Variants in SLC30A5 observed in about 807,000 individuals in gnomAD.
SLC30A5 encodes the protein proton-coupled zinc antiporter SLC30A5.
In SLC30A5, 33 loss-of-function variants were observed where a neutral mutation model predicts 79.6. The ratio of observed to expected loss-of-function variants is 0.41; its 90% CI spans 0.31 to 0.55. SLC30A5 has a LOEUF of 0.55. Among genes scored for constraint, SLC30A5 ranks in the 20% least tolerant of loss-of-function variants. SLC30A5 has a pLI of 0.20. For synonymous variants in SLC30A5, 299 were observed against 319.7 expected, an observed-to-expected ratio of 0.94 and a Z score of 0.69; for missense variants, 788 against 928.1, an observed-to-expected ratio of 0.85 and a Z score of 1.96.
At chr5:69,112,091 A>T (rs1746249344) in intron 5 of SLC30A5, among the ~76,000 whole-genome samples, 1 of 152,122 alleles carries the variant, frequency 6.6e-6, no homozygotes, top group South Asian at 2.1e-4. Flanking sequence ...CGAGGTCAAG[A>T]GATCAAGACC....
intron 1 of SLC30A5, among the ~76,000 whole-genome samples, chr5:69,100,468 A>C (rs1261050571): frequency 6.6e-6 from 1 of 152,064 alleles, no homozygotes; most frequent in Non-Finnish European, 1.5e-5. Context: ...AAGCTACTGC[A>C]CCTGGCCTCA....
chr5:69,104,255 A>G, intron 3 of SLC30A5: 2 of 562,922 alleles, frequency 3.6e-6, no homozygotes, highest in Non-Finnish European at 5.4e-6. Context: ...CTCCTGCCTC[A>G]GCCTCCTGAG....
In SLC30A5 at chr5:69,111,046, T is replaced by G. The variant is rs190915475; in HGVS notation, c.448-2094T>G. ...TCTCACTGGGTTGCCCAGGCTGGAG[T>G]GCAGTGGCACCATCTTGGCTCACTG... On this transcript the variant is annotated intron_variant, in intron 5 of 15. Transcript: ENST00000396591. Among the ~76,000 whole-genome samples, 451 of 150,736 alleles carry G rather than the reference T, an allele frequency of 3.0e-3. 4 individuals carry two copies. The highest frequency in any genetic ancestry group is 0.011 in the African/African-American group (436 of 41,086).
intron 2 of SLC30A5, 134 bp from the exon 3 acceptor site, chr5:69,102,928 C>A (rs1745974018): frequency 1.3e-5 from 5 of 394,118 alleles, no homozygotes; most frequent in Non-Finnish European, 1.9e-5. Context: ...ATAATTAATT[C>A]TCCAGTATGA....
At chr5:69,128,250 C>CT (rs71612509) in intron 15 of SLC30A5, 118 bp downstream of exon 15, 83,414 of 285,274 alleles carry the variant, frequency 0.29, 10,280 homozygotes, top group East Asian at 0.38. Context: ...TCTTCCAACT[C>CT]TTTTTTTTTT....
chr5:69,104,266 T>G (rs1746019265), intron 3 of SLC30A5: 1 of 530,572 alleles, frequency 1.9e-6, no homozygotes, highest in African/African-American at 2.0e-5. Context: ...GCCTCCTGAG[T>G]AGCTGGAATT....
intron 14 of SLC30A5, among the ~76,000 whole-genome samples, chr5:69,127,722 C>T (rs1021472005): frequency 6.6e-6 from 1 of 152,156 alleles, no homozygotes; most frequent in Non-Finnish European, 1.5e-5. Flanking sequence ...TAGCATCATT[C>T]CTAGGTGAGA....
chr5:69,097,109 C>A (rs200306568), intron 1 of SLC30A5, among the ~76,000 whole-genome samples: 1 of 87,904 alleles, frequency 1.1e-5, no homozygotes, highest in Non-Finnish European at 2.1e-5. Context: ...CTCTCTTTTT[C>A]TTTTTTTTTT....
chr5:69,124,062 G>A (rs1479688838), intron 14 of SLC30A5, among the ~76,000 whole-genome samples: 3 of 135,968 alleles, frequency 2.2e-5, no homozygotes, highest in South Asian at 2.2e-4. Context: ...GCAGTGAGCC[G>A]AGACCACGCC....
At chr5:69,124,769 C>T (rs1190966804) in intron 14 of SLC30A5, among the ~76,000 whole-genome samples, 3 of 152,088 alleles carry the variant, frequency 2.0e-5, no homozygotes, top group Non-Finnish European at 4.4e-5. Context: ...GGGGTTTCGC[C>T]ATGTTGGCCA....
chr5:69,111,550 C>A (rs1216036757), intron 5 of SLC30A5, among the ~76,000 whole-genome samples: 1 of 151,996 alleles, frequency 6.6e-6, no homozygotes, highest in Non-Finnish European at 1.5e-5. Context: ...ATGATCCACC[C>A]GCCTCGGCCT....
At chr5:69,115,517 G>T in intron 8 of SLC30A5, 110 bp downstream of exon 8, 1 of 903,050 alleles carries the variant, frequency 1.1e-6, no homozygotes, top group Non-Finnish European at 1.6e-6. Context: ...GAGGTTGAAA[G>T]TGGCTTAAAT....
At chr5:69,113,062 T>A (rs1427221427) in intron 5 of SLC30A5, 78 bp from the exon 6 acceptor site, 8 of 1,139,892 alleles carry the variant, frequency 7.0e-6, no homozygotes, top group Non-Finnish European at 7.6e-6. Context: ...AATGTTTTTC[T>A]TTAGTATTTA....
intron 1 of SLC30A5, among the ~76,000 whole-genome samples, chr5:69,098,607 C>A (rs1369304541): frequency 6.6e-6 from 1 of 152,188 alleles, no homozygotes; most frequent in Non-Finnish European, 1.5e-5. Flanking sequence ...AAGTTCAATT[C>A]ATTTAATAAA....
Position 69,094,080 on chromosome 5 carries a change from C to T in SLC30A5, c.-176C>T, listed in dbSNP as rs1158419406. On this transcript the variant is annotated 5_prime_UTR_variant, in exon 1 of 16. Transcript: ENST00000396591. ...AACTGATCGCGGCCTAGTCCCGACG[C>T]GTGTGTGCTAGTGAGCCGGAGCCGG... is the stretch of plus-strand genomic sequence containing the variant. 5.0e-6 allele frequency: 2 copies of T among 402,884 alleles called. No individual in the cohort carries two copies. The highest frequency in any genetic ancestry group is 8.8e-6 in the Non-Finnish European group (2 of 226,298). The allele number at this position is 402,884 out of a possible 1,614,324, so 25.0% of individuals were successfully genotyped here. A position where few individuals can be genotyped will look rare whatever the true frequency, so the allele number is the denominator to read the frequency against.
At position 69,128,143 on chromosome 5, in the gene SLC30A5, G is replaced by C; in HGVS notation, c.2127+11G>C. 1 of 1,564,012 alleles carries C rather than the reference G, an allele frequency of 6.4e-7. No homozygotes were observed. The highest frequency in any genetic ancestry group is 1.1e-5 in the South Asian group (1 of 88,184). Reference sequence around the variant, plus strand: ...AGAATAGTACAGCAGGTAATCTTTTGTTTTTAAAGTAATTTTAATTGAGGT... The same window carrying C: ...AGAATAGTACAGCAGGTAATCTTTTCTTTTTAAAGTAATTTTAATTGAGGT... On this transcript the variant is annotated intron_variant, in intron 15 of 15. Transcript: ENST00000396591.
intron 2 of SLC30A5, among the ~76,000 whole-genome samples, chr5:69,101,901 G>A (rs544299841): frequency 6.6e-6 from 1 of 150,684 alleles, no homozygotes; most frequent in East Asian, 2.1e-4. Flanking sequence ...CGGTTGCAGT[G>A]AGCTGAGATC....
chr5:69,125,845 C>A lies in SLC30A5; in HGVS notation c.1999-2159C>A, dbSNP rs550710660. On this transcript the variant is annotated intron_variant, in intron 14 of 15. Transcript: ENST00000396591. ...GAGATCACGCCACTGCACTCCAGCC[C>A]GGGCCACAGAGCGAGACTCCGTCTC... Among the ~76,000 whole-genome samples the A allele has an allele frequency of 3.7e-4, 43 of 116,938 alleles. 1 individual carries two copies. Among genetic ancestry groups the A allele is most frequent in the Admixed American group, 1.2e-3 (12 of 9,748 alleles). The allele number at this position is 116,938 out of a possible 152,430, so 76.7% of individuals were successfully genotyped here.
At chr5:69,096,018 G>A (rs892539135) in intron 1 of SLC30A5, among the ~76,000 whole-genome samples, 5 of 152,088 alleles carry the variant, frequency 3.3e-5, no homozygotes, top group Admixed American at 1.3e-4. Flanking sequence ...GCAGTGAGCC[G>A]AGATCGCACC....
Sources: gnomAD v4.1 joint callset for allele counts (sites outside exome capture counted in the v4.1 genomes callset) on GRCh38, gnomAD v4.1.1 for gene constraint, MANE v1.5 for transcripts, NCBI Gene and HGNC (gene_info 2026-07-23, HGNC 2026-07-21) for gene names.